Variants in LRBA observed in about 807,000 individuals in gnomAD.
LRBA encodes the protein lipopolysaccharide-responsive and beige-like anchor protein.
A neutral mutation model predicts 330.0 loss-of-function variants in LRBA; 176 were observed. The observed-to-expected ratio is 0.53, with a 90% CI of 0.47 to 0.60. The LOEUF (loss-of-function observed/expected upper bound fraction) is 0.60. Among genes scored for constraint, LRBA ranks in the 20% least tolerant of loss-of-function variants. The probability of loss-of-function intolerance (pLI) is 0.00; values close to 1 mark genes in which losing one functional copy is unlikely to be tolerated. For missense variants in LRBA, 3,259 were observed against 3,444.8 expected (o/e 0.95, Z 1.35); for synonymous variants, 1,230 against 1,193.0 (o/e 1.03, Z -0.64).
intron 28 of LRBA, chr4:150,840,850 G>T (rs538773670): frequency 3.3e-5 from 29 of 890,886 alleles, no homozygotes; most frequent in Admixed American, 1.5e-4. Flanking sequence ...AATGAGGCAT[G>T]CCTGTAAATA....
Position 150,939,450 on chromosome 4 carries a change from A to T in LRBA, c.217-10385T>A, listed in dbSNP as rs1735438263. Among the ~76,000 whole-genome samples, 4 of 152,368 alleles carry T rather than the reference A, an allele frequency of 2.6e-5. No individual in the cohort carries two copies. The South Asian group carries it at 8.3e-4, about 32-fold the overall frequency. On this transcript the variant is annotated intron_variant, in intron 2 of 56. Coordinates refer to ENST00000651943, the MANE Select transcript of LRBA (RefSeq NM_001364905.1). ...GATTGCCAGCAAATCACCAGAAGTC[A>T]GGAAAGAAACATGAAACAGATTCTC...
At chr4:150,360,383 T>C (rs1454324100) in intron 47 of LRBA, among the ~76,000 whole-genome samples, 2 of 152,012 alleles carry the variant, frequency 1.3e-5, no homozygotes, top group African/African-American at 4.8e-5. Flanking sequence ...ATACAAAATA[T>C]CATTTCAACA....
At chr4:150,901,302 AC>A (rs964518388) in intron 13 of LRBA, among the ~76,000 whole-genome samples, 23 of 66,160 alleles carry the variant, frequency 3.5e-4, no homozygotes, top group African/African-American at 5.8e-4. Flanking sequence ...CTCAAAAAAA[AC>A]AAATTTTTTT....
At chr4:150,441,444 T>C (rs2152005219) in intron 44 of LRBA, among the ~76,000 whole-genome samples, 1 of 152,214 alleles carries the variant, frequency 6.6e-6, no homozygotes, top group East Asian at 1.9e-4. Context: ...CCTCCTACTA[T>C]ATTATTTATA....
chr4:150,290,348 T>G (rs563897483), intron 53 of LRBA, among the ~76,000 whole-genome samples: 2 of 152,318 alleles, frequency 1.3e-5, no homozygotes, highest in East Asian at 3.9e-4. Flanking sequence ...ATCAAGTTAA[T>G]TCTTCTGATA....
chr4:150,598,667 C>T (rs1481406257), intron 38 of LRBA, among the ~76,000 whole-genome samples: 1 of 152,146 alleles, frequency 6.6e-6, no homozygotes, highest in Admixed American at 6.6e-5. Context: ...TAAATGCTGT[C>T]TTCCTGATAT....
intron 28 of LRBA, among the ~76,000 whole-genome samples, chr4:150,842,327 T>C (rs1749213018): frequency 6.6e-6 from 1 of 152,164 alleles, no homozygotes; most frequent in Admixed American, 6.5e-5. Context: ...GGTCTTGCTG[T>C]GTCACACAGG....
intron 18 of LRBA, among the ~76,000 whole-genome samples, chr4:150,872,370 G>C (rs1181565529): frequency 6.6e-6 from 1 of 152,062 alleles, no homozygotes; most frequent in Non-Finnish European, 1.5e-5. Flanking sequence ...AAGCAAAAAT[G>C]GTGTGAGTCA....
intron 28 of LRBA, among the ~76,000 whole-genome samples, chr4:150,835,838 G>A (rs1300351810): frequency 6.6e-6 from 1 of 152,152 alleles, no homozygotes; most frequent in Non-Finnish European, 1.5e-5. Context: ...CCAACACTAT[G>A]TTGAATAAGA....
At chr4:150,855,199 G>T (rs2126933819) in intron 22 of LRBA, among the ~76,000 whole-genome samples, 1 of 152,272 alleles carries the variant, frequency 6.6e-6, no homozygotes. Context: ...GGAGGCAGAG[G>T]TTGCAGTGAG....
intron 52 of LRBA, among the ~76,000 whole-genome samples, chr4:150,308,818 GT>G (rs1276529260): frequency 2.6e-5 from 4 of 152,144 alleles, no homozygotes; most frequent in African/African-American, 9.7e-5. Context: ...ATGTGTTTGT[GT>G]TTTAAGCTAT....
intron 2 of LRBA, among the ~76,000 whole-genome samples, chr4:151,005,735 A>G (rs1743996219): frequency 6.6e-6 from 1 of 151,166 alleles, no homozygotes; most frequent in Non-Finnish European, 1.5e-5. Flanking sequence ...CTCCCTAGTA[A>G]CTGGGACTAC....
At chr4:150,816,579 A>G (rs1230749693) in intron 31 of LRBA, among the ~76,000 whole-genome samples, 2 of 151,970 alleles carry the variant, frequency 1.3e-5, no homozygotes, top group Non-Finnish European at 2.9e-5. Flanking sequence ...TAAAAGTGCT[A>G]TAGGAGGAAA....
intron 2 of LRBA, among the ~76,000 whole-genome samples, chr4:150,949,516 T>C (rs971115245): frequency 1.3e-5 from 2 of 152,192 alleles, no homozygotes. Flanking sequence ...TTTTGCAAGA[T>C]TTTCCCATTG....
At chr4:150,453,374 G>A (rs1400046353) in intron 44 of LRBA, among the ~76,000 whole-genome samples, 1 of 152,096 alleles carries the variant, frequency 6.6e-6, no homozygotes, top group Non-Finnish European at 1.5e-5. Context: ...CACATATATG[G>A]CCGATTGATT....
chr4:150,381,903 A>G (rs1268335635), intron 47 of LRBA, among the ~76,000 whole-genome samples: 3 of 152,156 alleles, frequency 2.0e-5, no homozygotes, highest in Non-Finnish European at 2.9e-5. Context: ...GCATTTCTCC[A>G]TGACTACTAA....
At chr4:150,979,271 C>G (rs1166443697) in intron 2 of LRBA, among the ~76,000 whole-genome samples, 1 of 152,162 alleles carries the variant, frequency 6.6e-6, no homozygotes, top group African/African-American at 2.4e-5. Context: ...AACTCTTACC[C>G]TAGAATATTA....
Position 150,321,348 on chromosome 4 carries a change from G to T in LRBA, c.7473C>A (p.Asp2491Glu). ...AMQVSPLMFT[D>E]KAQQDVIMVL... is the part of the protein sequence containing the mutation. ...CCATGATAACATCCTGCTGGGCTTTGTCTGTGAACATCAATGGACTCTGCA... is the reference window on the plus strand; with the variant it reads ...CCATGATAACATCCTGCTGGGCTTTTTCTGTGAACATCAATGGACTCTGCA... Residue 2491 changes from aspartate (D) to glutamate (E), a missense_variant, in exon 50 of 57, where the codon GAC becomes GAA. Coordinates refer to ENST00000651943, the MANE Select transcript of LRBA (RefSeq NM_001364905.1). The surrounding 1 kb of genome is among the most constrained non-coding windows in gnomAD (Gnocchi z 4.5). 1 of 1,602,002 alleles carries T rather than the reference G, an allele frequency of 6.2e-7. No homozygotes were observed. The highest frequency in any genetic ancestry group is 2.3e-5 in the East Asian group (1 of 43,954).
Position 150,885,839 on chromosome 4 carries a change from C to G in LRBA, c.2165+7213G>C, listed in dbSNP as rs529617075. On this transcript the variant is annotated intron_variant, in intron 17 of 56. Transcript: ENST00000651943. ...CAGAAAGAAAACTGCAATTTAAGTT[C>G]TTATATCCAGGATAAGTATCCTCTA... Among the ~76,000 whole-genome samples, 3 of 152,178 alleles carry G rather than the reference C, an allele frequency of 2.0e-5. No homozygotes were observed. In the South Asian group the frequency reaches 6.2e-4, roughly 32 times the overall value.
Sources: allele counts gnomAD v4.1 joint callset (sites outside exome capture counted in the v4.1 genomes callset), GRCh38; gene constraint gnomAD v4.1.1; non-coding constraint Gnocchi (gnomAD v3.1); transcripts MANE v1.5; gene names NCBI Gene and HGNC (gene_info 2026-07-23, HGNC 2026-07-21).